DNM1L: variants seen among roughly 807,000 people sequenced by gnomAD.
DNM1L encodes the protein dynamin-1-like protein.
A neutral mutation model predicts 92.8 loss-of-function variants in DNM1L; 33 were observed. The observed-to-expected ratio is 0.36, with a 90% confidence interval of 0.27 to 0.48. DNM1L has a LOEUF of 0.48. Ranked by LOEUF, DNM1L falls within the 20% of genes least tolerant of loss-of-function variation. The probability of loss-of-function intolerance (pLI) is 0.99; values close to 1 mark genes in which losing one functional copy is unlikely to be tolerated. For missense variants in DNM1L, 485 were observed against 888.8 expected (o/e 0.55, Z 5.78); for synonymous variants, 284 against 305.0 (o/e 0.93, Z 0.72).
intron 19 of DNM1L, 122 bp from the exon 20 acceptor site, chr12:32,743,232 G>A: frequency 2.4e-6 from 2 of 833,966 alleles, no homozygotes; most frequent in South Asian, 3.0e-5. Context: ...GAAGATATTG[G>A]TTAGTATAAA....
intron 1 of DNM1L, among the ~76,000 whole-genome samples, chr12:32,681,565 G>GCC (rs1187987888): frequency 1.5e-5 from 1 of 64,706 alleles, no homozygotes; most frequent in African/African-American, 6.0e-5. Flanking sequence ...TCCCCACACC[G>GCC]CCCCCCCCGC....
chr12:32,713,957 A>T (rs1271334684), intron 6 of DNM1L, among the ~76,000 whole-genome samples: 1 of 152,228 alleles, frequency 6.6e-6, no homozygotes, highest in Non-Finnish European at 1.5e-5. Flanking sequence ...AAATCCTTTC[A>T]TGAAGCATTT....
intron 1 of DNM1L, among the ~76,000 whole-genome samples, chr12:32,698,719 TAAG>T (rs1319393650): frequency 1.3e-5 from 2 of 152,152 alleles, no homozygotes; most frequent in African/African-American, 2.4e-5. Context: ...ATTGCAAACT[TAAG>T]AAAAATGGCA....
At chr12:32,717,400 A>G (rs1350612845) in intron 6 of DNM1L, among the ~76,000 whole-genome samples, 2 of 65,610 alleles carry the variant, frequency 3.0e-5, no homozygotes, top group Non-Finnish European at 5.4e-5. Flanking sequence ...AGTATATATA[A>G]TATATAATAT....
rs375199239 is a variant in DNM1L at position 32,742,567 on chromosome 12, A to C, written c.1995-22A>C. ...AAAGTAGAATTTTGGCTAAAATTCC[A>C]TAATTTGGTTGTGTTTTGCAGTGTG... On this transcript the variant is annotated intron_variant, in intron 18 of 19. Transcript: ENST00000549701. The C allele has an allele frequency of 4.3e-6, 7 of 1,613,908 alleles. No homozygotes were observed. The South Asian group carries it at 6.6e-5, about 15-fold the overall frequency.
intron 13 of DNM1L, among the ~76,000 whole-genome samples, chr12:32,734,854 C>T (rs1239066412): frequency 6.6e-6 from 1 of 152,122 alleles, no homozygotes; most frequent in South Asian, 2.1e-4. Context: ...GCAGTTATTC[C>T]TTTGGTGCTT....
chr12:32,683,217 A>T (rs1951871803), intron 1 of DNM1L, among the ~76,000 whole-genome samples: 1 of 152,142 alleles, frequency 6.6e-6, no homozygotes, highest in Non-Finnish European at 1.5e-5. Flanking sequence ...AAAAGGAAAA[A>T]CAATTTGGAT....
intron 3 of DNM1L, among the ~76,000 whole-genome samples, chr12:32,707,848 G>C (rs907511313): frequency 1.3e-5 from 2 of 152,006 alleles, no homozygotes; most frequent in African/African-American, 4.8e-5. Flanking sequence ...CTACTTGGAA[G>C]GCTGAGTCGG....
intron 9 of DNM1L, chr12:32,726,412 C>A (rs10844324): frequency 0.13 from 209,131 of 1,549,220 alleles, 14,877 homozygotes; most frequent in African/African-American, 0.21. Flanking sequence ...GGGTTTTGAT[C>A]CTTCTTCGGG....
chr12:32,711,132 G>C, intron 5 of DNM1L, 117 bp downstream of exon 5: 1 of 877,314 alleles, frequency 1.1e-6, no homozygotes, highest in African/African-American at 1.7e-5. Flanking sequence ...ATTTGATAAC[G>C]TTGAGCCCTC....
rs1265153343 is a variant in DNM1L, at chr12:32,713,241, G to A, written c.489G>A (p.Glu163=). ...VPVGDQPKDI[E]LQIRELILRF... ...TAGGTGATCAACCTAAGGATATTGA[G>A]CTTCAAATCAGAGAGCTCATTCTTC... The change falls in exon 6 of 20, where the codon GAG becomes GAA. Residue 163 remains glutamate, a synonymous_variant. Coordinates refer to ENST00000549701, the MANE Select transcript of DNM1L (RefSeq NM_012062.5). 2 of 1,613,938 alleles carry A rather than the reference G, an allele frequency of 1.2e-6. No homozygotes were observed. Among genetic ancestry groups the A allele is most frequent in the African/African-American group, 2.7e-5 (2 of 75,018 alleles).
intron 9 of DNM1L, 24 bp downstream of exon 9, chr12:32,722,657 A>T: frequency 6.3e-7 from 1 of 1,585,846 alleles, no homozygotes; most frequent in Non-Finnish European, 8.6e-7. Flanking sequence ...TTTTCTGTAG[A>T]TTTGGTTACC....
At chr12:32,719,253 A>G (rs1953695616) in intron 7 of DNM1L, among the ~76,000 whole-genome samples, 1 of 152,192 alleles carries the variant, frequency 6.6e-6, no homozygotes, top group Non-Finnish European at 1.5e-5. Flanking sequence ...CCTGCCCCAT[A>G]GACATTTTTA....
intron 6 of DNM1L, among the ~76,000 whole-genome samples, chr12:32,718,002 TAATATATATAGTATATATA>T (rs1329522928): frequency 5.5e-5 from 6 of 109,410 alleles, no homozygotes; most frequent in African/African-American, 2.1e-4. Flanking sequence ...ATAGTATATA[TAATATATATAGTATATATA>T]TTATAAATAT....
rs1054525406 is a variant in DNM1L, at chr12:32,718,719, A to G, written c.696A>G (p.Gly232=). ...CTGATGCCATGGATGTATTGATGGG[A>G]AGGGTTATTCCAGTCAAACTTGGAA... is the stretch of plus-strand genomic sequence containing the variant. ...AGTDAMDVLM[G]RVIPVKLGII... Residue 232 remains glycine (G), a synonymous_variant, in exon 7 of 20, where the codon GGA becomes GGG. Coordinates refer to ENST00000549701, the MANE Select transcript of DNM1L (RefSeq NM_012062.5). 6.2e-7 allele frequency: 1 copy of G among 1,613,884 alleles called. No individual in the cohort carries two copies. The highest frequency in any genetic ancestry group is 1.3e-5 in the African/African-American group (1 of 74,996).
intron 16 of DNM1L, 119 bp from the exon 17 acceptor site, chr12:32,739,945 T>C (rs996482079): frequency 1.5e-6 from 2 of 1,306,924 alleles, no homozygotes; most frequent in Non-Finnish European, 2.2e-6. Context: ...TCATTATCTG[T>C]CTGAATAAAC....
intron 9 of DNM1L, among the ~76,000 whole-genome samples, chr12:32,723,642 C>T (rs1484687405): frequency 4.6e-4 from 67 of 144,298 alleles, no homozygotes; most frequent in Non-Finnish European, 8.9e-4. Context: ...TGTGGTGAGC[C>T]GAGATGGTGC....
chr12:32,717,670 C>A (rs190004380), intron 6 of DNM1L, among the ~76,000 whole-genome samples: 1 of 62,110 alleles, frequency 1.6e-5, no homozygotes. Flanking sequence ...ATAAAAAATA[C>A]ATATACCTAG....
rs1470122766 is a variant in DNM1L, at chr12:32,740,483, A to C, written c.1959A>C (p.Ser653=). 2 of 1,613,928 alleles carry C rather than the reference A, an allele frequency of 1.2e-6. No individual in the cohort carries two copies. Among genetic ancestry groups the C allele is most frequent in the Admixed American group, 3.3e-5 (2 of 60,012 alleles). Residue 653 remains serine (S), a synonymous_variant, in exon 18 of 20, where the codon TCA becomes TCC. Coordinates refer to ENST00000549701, the MANE Select transcript of DNM1L (RefSeq NM_012062.5). ...DCEVIERLIK[S]YFLIVRKNIQ... ...AGGTTATTGAACGACTCATTAAATCATATTTTCTCATTGTCAGAAAGAATA... is the reference window on the plus strand; with the variant it reads ...AGGTTATTGAACGACTCATTAAATCCTATTTTCTCATTGTCAGAAAGAATA...
Sources: allele counts gnomAD v4.1 joint callset (sites outside exome capture counted in the v4.1 genomes callset), GRCh38; gene constraint gnomAD v4.1.1; transcripts MANE v1.5; gene names NCBI Gene and HGNC (gene_info 2026-07-23, HGNC 2026-07-21).